Variants in PROKR2 observed in about 807,000 individuals in gnomAD.
PROKR2 encodes the protein G protein-coupled receptor 73-like 1.
In PROKR2, 26 loss-of-function variants were observed where a neutral mutation model predicts 23.4. The ratio of observed to expected loss-of-function variants is 1.11; its 90% CI spans 0.81 to 1.54. PROKR2 has a LOEUF of 1.54. Among genes scored for constraint, PROKR2 ranks in the 40% most tolerant of loss-of-function variants. The pLI is 0.00. For synonymous variants in PROKR2, 212 were observed against 201.2 expected (o/e 1.05, Z -0.45); for missense variants, 453 against 511.5 (o/e 0.89, Z 1.10).
At chr20:5,311,994 T>C (rs1426625152) in intron 2 of PROKR2, among the ~76,000 whole-genome samples, 2 of 152,226 alleles carry the variant, frequency 1.3e-5, no homozygotes, top group African/African-American at 2.4e-5. Flanking sequence ...CTGACTAATA[T>C]ACTCTCACTT....
intron 2 of PROKR2, among the ~76,000 whole-genome samples, chr20:5,305,197 C>T (rs749287159): frequency 2.7e-4 from 41 of 152,364 alleles, no homozygotes; most frequent in Non-Finnish European, 4.9e-4. Context: ...ATGAGCGGCC[C>T]GTCCCGGGCC....
chr20:5,314,768 TG>T (rs1376772920), intron 1 of PROKR2, among the ~76,000 whole-genome samples: 1 of 152,214 alleles, frequency 6.6e-6, no homozygotes, highest in East Asian at 1.9e-4. Flanking sequence ...AGGGCCTCTT[TG>T]TCTGCCCAGT....
chr20:5,313,993 A>C lies in PROKR2; in HGVS notation c.377T>G (p.Val126Gly). 6.2e-7 allele frequency: 1 copy of C among 1,614,222 alleles called. No individual in the cohort carries two copies. Among genetic ancestry groups the C allele is most frequent in the Non-Finnish European group, 8.5e-7 (1 of 1,180,040 alleles). The change falls in exon 2 of 3, where the codon GTG becomes GGG. Residue 126 changes from valine (V) to glycine (G), a missense_variant. By Grantham distance (109) the Val-to-Gly change is moderately radical. Coordinates refer to ENST00000678254, the MANE Select transcript of PROKR2 (RefSeq NM_144773.4). ...VRQLSWEHGH[V>G]LCASVNYLRT... ...CAGGTAGTTGACGGAGGCACAGAGC[A>C]CGTGGCCATGCTCCCAGGAGAGCTG... is the stretch of plus-strand genomic sequence containing the variant.
intron 2 of PROKR2, among the ~76,000 whole-genome samples, chr20:5,307,041 C>T (rs567816425): frequency 6.6e-6 from 1 of 152,330 alleles, no homozygotes. Context: ...ACCATCAAGA[C>T]ACCTGAAACC....
intron 2 of PROKR2, 124 bp downstream of exon 2, chr20:5,313,788 C>T (rs970977157): frequency 1.2e-6 from 1 of 842,152 alleles, no homozygotes; most frequent in Non-Finnish European, 1.9e-6. Flanking sequence ...GAAACAAGAC[C>T]TCCTCTTGCC....
Position 5,316,551 on chromosome 20 carries a change from A to G in PROKR2, c.-66T>C, listed in dbSNP as rs191193149. On this transcript the variant is annotated 5_prime_UTR_variant, in exon 1 of 3. Coordinates refer to ENST00000678254, the MANE Select transcript of PROKR2 (RefSeq NM_144773.4). This position sits in a 1 kb window ranked among gnomAD's most constrained non-coding sequence, Gnocchi z 5.0. ...TGCTCCGGAAGCCGGATCGAGAGTCACAGTGTGGTTGGGCGCAGGCGGGCC... is the reference window on the plus strand; with the variant it reads ...TGCTCCGGAAGCCGGATCGAGAGTCGCAGTGTGGTTGGGCGCAGGCGGGCC... The G allele has an allele frequency of 2.7e-3, 975 of 355,196 alleles. 4 individuals carry two copies. Among genetic ancestry groups the G allele is most frequent in the Non-Finnish European group, 3.7e-3 (652 of 177,530 alleles). The allele number at this position is 355,196 out of a possible 1,614,324, so 22.0% of individuals were successfully genotyped here.
chr20:5,308,192 GC>G (rs60181166), intron 2 of PROKR2, among the ~76,000 whole-genome samples: 5,711 of 106,848 alleles, frequency 0.053, 309 homozygotes, highest in African/African-American at 0.19. Context: ...TTGGGAACAG[GC>G]CCCCCCCCCT....
chr20:5,314,428 TCTG>T (rs1979579641), intron 1 of PROKR2, 51 bp from the exon 2 acceptor site: 1 of 1,445,796 alleles, frequency 6.9e-7, no homozygotes, highest in African/African-American at 1.4e-5. Context: ...GTCCAGACCT[TCTG>T]CTCTTTCAGG....
intron 2 of PROKR2, among the ~76,000 whole-genome samples, chr20:5,303,633 C>A (rs1178048981): frequency 6.6e-6 from 1 of 152,080 alleles, no homozygotes; most frequent in African/African-American, 2.4e-5. Flanking sequence ...TCCAGAGAGA[C>A]CTAATGACAC....
Position 5,301,892 on chromosome 20 carries a change from T to C in PROKR2, c.*148A>G. On this transcript the variant is annotated 3_prime_UTR_variant, in exon 3 of 3. Coordinates refer to ENST00000678254, the MANE Select transcript of PROKR2 (RefSeq NM_144773.4). ...TTGGTTCATGTCTAGTCTCATTGTA[T>C]GTTACGACTTTGCAGCATTCAGCTT... 2 of 665,434 alleles carry C rather than the reference T, an allele frequency of 3.0e-6. No individual in the cohort carries two copies. The highest frequency in any genetic ancestry group is 3.7e-5 in the South Asian group (2 of 54,250). 41.2% of individuals were successfully genotyped at this position (665,434 alleles called of 1,614,324 possible). A position where few individuals can be genotyped will look rare whatever the true frequency, so the allele number is the denominator to read the frequency against.
intron 2 of PROKR2, among the ~76,000 whole-genome samples, chr20:5,303,561 T>C (rs1204396910): frequency 2.6e-5 from 4 of 152,168 alleles, no homozygotes; most frequent in Non-Finnish European, 4.4e-5. Flanking sequence ...CACACTGTCT[T>C]GGAGACAGAT....
At chr20:5,304,297 A>T (rs974287081) in intron 2 of PROKR2, among the ~76,000 whole-genome samples, 7 of 152,170 alleles carry the variant, frequency 4.6e-5, no homozygotes, top group Non-Finnish European at 7.3e-5. Flanking sequence ...GCTACATTTG[A>T]GCCTTTTCCT....
At chr20:5,312,580 T>A (rs2122220357) in intron 2 of PROKR2, among the ~76,000 whole-genome samples, 1 of 152,332 alleles carries the variant, frequency 6.6e-6, no homozygotes, top group South Asian at 2.1e-4. Flanking sequence ...AGGAGGATGC[T>A]TCCTACACCC....
chr20:5,304,441 C>T (rs116997253), intron 2 of PROKR2, among the ~76,000 whole-genome samples: 3,321 of 152,310 alleles, frequency 0.022, 59 homozygotes, highest in South Asian at 0.039. Context: ...TGCTCTTACT[C>T]GAGCTCGTCT....
chr20:5,308,598 T>G (rs1005426328), intron 2 of PROKR2, among the ~76,000 whole-genome samples: 1 of 152,244 alleles, frequency 6.6e-6, no homozygotes, highest in Non-Finnish European at 1.5e-5. Flanking sequence ...CTCTCAGCTC[T>G]GAAGGCTGTG....
rs1037672646 is a variant in PROKR2, at chr20:5,313,971, G to A, written c.399C>T (p.Tyr133=). 1.9e-6 allele frequency: 3 copies of A among 1,614,236 alleles called. No individual in the cohort carries two copies. Among genetic ancestry groups the A allele is most frequent in the Admixed American group, 3.3e-5 (2 of 60,026 alleles). The change falls in exon 2 of 3, where the codon TAC becomes TAT. Residue 133 remains tyrosine (Y), a synonymous_variant. Coordinates refer to ENST00000678254, the MANE Select transcript of PROKR2 (RefSeq NM_144773.4). The part of the protein sequence containing the change: ...HGHVLCASVN[Y]LRTVSLYVST... ...AGACGTAGAGGGAGACGGTGCGCAG[G>A]TAGTTGACGGAGGCACAGAGCACGT...
chr20:5,306,250 T>G (rs1202747896), intron 2 of PROKR2, among the ~76,000 whole-genome samples: 1 of 150,878 alleles, frequency 6.6e-6, no homozygotes, highest in East Asian at 1.9e-4. Context: ...TCCAACATTT[T>G]CCCATTGGAA....
chr20:5,304,498 G>A (rs1337054151), intron 2 of PROKR2, among the ~76,000 whole-genome samples: 2 of 152,290 alleles, frequency 1.3e-5, no homozygotes, highest in African/African-American at 2.4e-5. Flanking sequence ...GGCAGATGAA[G>A]CTTCCATTCA....
rs199958585 is a variant in PROKR2, at chr20:5,302,291, G to A, written c.904C>T (p.Pro302Ser). 7.4e-6 allele frequency: 12 copies of A among 1,614,118 alleles called. No homozygotes were observed. The African/African-American group carries it at 8.0e-5, about 11-fold the overall frequency. The change falls in exon 3 of 3, where the codon CCC (proline) becomes TCC (serine). Residue 302 changes from proline to serine, a missense_variant. By Grantham distance (74) the Pro-to-Ser change is moderately conservative. Coordinates refer to ENST00000678254, the MANE Select transcript of PROKR2 (RefSeq NM_144773.4). ...YGFTIVRDFF[P>S]TVFVKEKHYL... ...TGCTTTTCCTTCACGAACACAGTGG[G>A]GAAGAAGTCACGAACGATGGTGAAA... is the stretch of plus-strand genomic sequence containing the variant.
Sources: gnomAD v4.1 joint callset for allele counts (sites outside exome capture counted in the v4.1 genomes callset) on GRCh38, gnomAD v4.1.1 for gene constraint, Gnocchi (gnomAD v3.1) non-coding constraint, MANE v1.5 for transcripts, NCBI Gene and HGNC (gene_info 2026-07-23, HGNC 2026-07-21) for gene names.